Variants in SRGAP2 observed in about 807,000 individuals in gnomAD.
The protein encoded by SRGAP2 is SLIT-ROBO Rho GTPase-activating protein 2.
A neutral mutation model predicts 57.2 loss-of-function variants in SRGAP2; 15 were observed. The ratio of observed to expected loss-of-function variants is 0.26; its 90% CI spans 0.18 to 0.40. SRGAP2 has a LOEUF of 0.40. SRGAP2 is among the 10% of genes least tolerant of loss of function. The pLI, the probability that SRGAP2 is intolerant of heterozygous loss-of-function variation, is 1.00. For synonymous variants in SRGAP2, 249 were observed against 248.0 expected, an observed-to-expected ratio of 1.00 and a Z score of -0.04; for missense variants, 520 against 669.6, an observed-to-expected ratio of 0.78 and a Z score of 2.47.
At chr1:206,361,127 C>G (rs1268317736) in intron 4 of SRGAP2, among the ~76,000 whole-genome samples, 26 of 92,402 alleles carry the variant, frequency 2.8e-4, no homozygotes, top group Admixed American at 8.5e-4. Flanking sequence ...GCTCAAAGGA[C>G]TTAAGAGAGA....
chr1:206,360,138 C>T (rs533666213), intron 4 of SRGAP2, among the ~76,000 whole-genome samples: 7 of 151,888 alleles, frequency 4.6e-5, no homozygotes, highest in South Asian at 2.1e-4. Context: ...TGGTCAGAGA[C>T]GGCTTCACTG....
rs373302154 is a variant in SRGAP2 at position 206,355,496 on chromosome 1, T to C, written c.423+12488T>C. Among the ~76,000 whole-genome samples, 14 of 152,252 alleles carry C rather than the reference T, an allele frequency of 9.2e-5. No individual in the cohort carries two copies. The East Asian group carries it at 1.2e-3, about 13-fold the overall frequency. On this transcript the variant is annotated intron_variant, in intron 4 of 22. Transcript: ENST00000573034. ...CTGTGATAGTCTGACCCTTCCATTT[T>C]CTAGTTACATTTTTTAAATCACATG...
At chr1:206,248,222 C>T (rs1327537030) in intron 2 of SRGAP2, among the ~76,000 whole-genome samples, 1 of 151,570 alleles carries the variant, frequency 6.6e-6, no homozygotes, top group Non-Finnish European at 1.5e-5. Context: ...TTTCAGTTAC[C>T]CTCATGATTT....
chr1:206,313,650 A>T (rs1422828736), intron 3 of SRGAP2, among the ~76,000 whole-genome samples: 20 of 152,368 alleles, frequency 1.3e-4, no homozygotes, highest in African/African-American at 4.6e-4. Flanking sequence ...GGCTCTATGC[A>T]ATAGACACTG....
intron 2 of SRGAP2, among the ~76,000 whole-genome samples, chr1:206,231,874 G>T (rs2102519135): frequency 6.6e-6 from 1 of 152,172 alleles, no homozygotes; most frequent in African/African-American, 2.4e-5. Flanking sequence ...TGTTGGAGTA[G>T]ATCATCACAA....
chr1:206,333,274 C>T (rs541272815), intron 3 of SRGAP2: 38 of 1,155,966 alleles, frequency 3.3e-5, no homozygotes, highest in Admixed American at 5.3e-5. Flanking sequence ...AGCTGTAGAC[C>T]GGAGCTGTTC....
chr1:206,341,102 G>A (rs1436032202), intron 3 of SRGAP2, among the ~76,000 whole-genome samples: 2 of 152,204 alleles, frequency 1.3e-5, no homozygotes, highest in Non-Finnish European at 2.9e-5. Context: ...TTTGTCTGAT[G>A]TATTCTGAAG....
chr1:206,363,557 G>T (rs2102998934), intron 4 of SRGAP2, among the ~76,000 whole-genome samples: 1 of 151,888 alleles, frequency 6.6e-6, no homozygotes, highest in Admixed American at 6.6e-5. Context: ...CAAATTTCTG[G>T]TTCAGGGTTC....
At chr1:206,301,901 A>G (rs1671896063) in intron 2 of SRGAP2, among the ~76,000 whole-genome samples, 1 of 150,582 alleles carries the variant, frequency 6.6e-6, no homozygotes, top group East Asian at 2.0e-4. Context: ...CCATTTACCC[A>G]TCCTCATTGC....
intron 4 of SRGAP2, among the ~76,000 whole-genome samples, chr1:206,353,611 C>T (rs1460913665): frequency 1.3e-5 from 2 of 152,012 alleles, no homozygotes; most frequent in Non-Finnish European, 2.9e-5. Flanking sequence ...AGGAGAATCA[C>T]TTGAACCCGG....
rs541491128 is a variant in SRGAP2, at chr1:206,383,234, A to G, written c.424-780A>G. Among the ~76,000 whole-genome samples, 1,379 of 149,802 alleles carry G rather than the reference A, an allele frequency of 9.2e-3. 27 individuals are homozygous for G. Among genetic ancestry groups the G allele is most frequent in the African/African-American group, 0.031 (1,204 of 39,432 alleles). ...GAGATGGGGTTTCACTATGTTGGCC[A>G]TGCTGGTCTCGAATTCCTGACCTCA... On this transcript the variant is annotated intron_variant, in intron 4 of 22. Transcript: ENST00000573034.
At chr1:206,400,255 G>A (rs1408365465) in intron 7 of SRGAP2, among the ~76,000 whole-genome samples, 1 of 152,088 alleles carries the variant, frequency 6.6e-6, no homozygotes, top group African/African-American at 2.4e-5. Flanking sequence ...ATGATGGATG[G>A]CCAAGGAATT....
chr1:206,207,560 G>C (rs1464346497), intron 2 of SRGAP2: 2 of 150,728 alleles, frequency 1.3e-5, no homozygotes, highest in Admixed American at 1.3e-4. Flanking sequence ...TGGCCTCCAT[G>C]TCCTGTCCAG....
intron 4 of SRGAP2, among the ~76,000 whole-genome samples, chr1:206,367,796 A>G (rs1654169698): frequency 6.6e-6 from 1 of 151,130 alleles, no homozygotes; most frequent in Non-Finnish European, 1.5e-5. Flanking sequence ...TGAGAGCACT[A>G]GGGAACGATG....
At chr1:206,334,753 T>C (rs1674648574) in intron 3 of SRGAP2, among the ~76,000 whole-genome samples, 1 of 152,032 alleles carries the variant, frequency 6.6e-6, no homozygotes, top group South Asian at 2.1e-4. Context: ...CAGGTATTTA[T>C]TTCTCTAGAA....
chr1:206,389,234 G>A (rs1297873470), intron 5 of SRGAP2, among the ~76,000 whole-genome samples: 3 of 136,240 alleles, frequency 2.2e-5, no homozygotes, highest in Non-Finnish European at 4.6e-5. Context: ...GAGTGCAGTG[G>A]CGTGATCTCG....
chr1:206,353,697 AAAATAAAT>A (rs546673732), intron 4 of SRGAP2, among the ~76,000 whole-genome samples: 7 of 142,846 alleles, frequency 4.9e-5, no homozygotes, highest in African/African-American at 1.2e-4. Flanking sequence ...TCCATCTCAA[AAAATAAAT>A]AAATAAATAA....
At chr1:206,420,705 A>C (rs2103245686) in intron 12 of SRGAP2, among the ~76,000 whole-genome samples, 1 of 152,298 alleles carries the variant, frequency 6.6e-6, no homozygotes, top group African/African-American at 2.4e-5. Context: ...CTTTGAGAAG[A>C]GGCTTCTGAG....
At chr1:206,393,416 T>C (rs1657208356) in intron 6 of SRGAP2, 129 bp from the exon 7 acceptor site, 1 of 562,812 alleles carries the variant, frequency 1.8e-6, no homozygotes, top group Admixed American at 3.2e-5. Flanking sequence ...TAGAACCCAA[T>C]TTAAGGCAGA....
Sources: gnomAD v4.1 joint callset for allele counts (sites outside exome capture counted in the v4.1 genomes callset) on GRCh38, gnomAD v4.1.1 for gene constraint, MANE v1.5 for transcripts, NCBI Gene and HGNC (gene_info 2026-07-23, HGNC 2026-07-21) for gene names.